SLC14A2: variants seen among roughly 807,000 people sequenced by gnomAD.
SLC14A2 encodes urea transporter 2.
Under a neutral mutation model 104.6 loss-of-function variants are expected in SLC14A2, and 91 were observed. The observed-to-expected ratio is 0.87, with a 90% CI of 0.73 to 1.04. The LOEUF (loss-of-function observed/expected upper bound fraction) is 1.04, where lower values mean the gene tolerates loss of function less well. Among genes scored for constraint, SLC14A2 ranks in the 50% least tolerant of loss-of-function variants. The pLI, the probability that SLC14A2 is intolerant of heterozygous loss-of-function variation, is 0.00. For missense variants in SLC14A2, 1,189 were observed against 1,156.0 expected, an observed-to-expected ratio of 1.03 and a Z score of -0.41; for synonymous variants, 476 against 466.4, an observed-to-expected ratio of 1.02 and a Z score of -0.27.
intron 1 of SLC14A2, among the ~76,000 whole-genome samples, chr18:45,392,726 T>C (rs1598749840): frequency 6.6e-6 from 1 of 152,342 alleles, no homozygotes; most frequent in East Asian, 1.9e-4. Context: ...AACTAGGAAG[T>C]TCAATCTTTA....
At chr18:45,219,868 G>A (rs1000450863) in intron 1 of SLC14A2, among the ~76,000 whole-genome samples, 3 of 152,172 alleles carry the variant, frequency 2.0e-5, no homozygotes, top group Admixed American at 6.5e-5. Context: ...GATAGAAAAA[G>A]ACTGCAGAGA....
At chr18:45,204,180 C>A in the SLC14A2 span, among the ~76,000 whole-genome samples, 1 of 152,138 alleles carries the variant, frequency 6.6e-6, no homozygotes, top group Non-Finnish European at 1.5e-5. Flanking sequence ...TAAGAGGAAT[C>A]CCCCAAGAGT....
chr18:45,506,439 C>T (rs917792260), intron 2 of SLC14A2, among the ~76,000 whole-genome samples: 1 of 152,180 alleles, frequency 6.6e-6, no homozygotes, highest in African/African-American at 2.4e-5. Flanking sequence ...AATAGTTCTA[C>T]ACAGAACCTT....
At chr18:45,195,647 C>T in the SLC14A2 span, among the ~76,000 whole-genome samples, 1 of 152,158 alleles carries the variant, frequency 6.6e-6, no homozygotes. Flanking sequence ...GCCTTGGCCT[C>T]CCATAGTGCT....
intron 1 of SLC14A2, among the ~76,000 whole-genome samples, chr18:45,324,067 G>A (rs1191593769): frequency 6.6e-6 from 1 of 152,096 alleles, no homozygotes; most frequent in African/African-American, 2.4e-5. Flanking sequence ...TGGCTTGTGG[G>A]GTATATGCCC....
chr18:45,234,255 G>A (rs2084203771), intron 1 of SLC14A2, among the ~76,000 whole-genome samples: 1 of 152,168 alleles, frequency 6.6e-6, no homozygotes, highest in Non-Finnish European at 1.5e-5. Flanking sequence ...TCTCCAAAGG[G>A]CTCATGTAGG....
At chr18:45,242,722 T>G (rs916457478) in intron 1 of SLC14A2, among the ~76,000 whole-genome samples, 7 of 152,252 alleles carry the variant, frequency 4.6e-5, no homozygotes, top group African/African-American at 1.7e-4. Flanking sequence ...TAGGGTCATA[T>G]CTCTATTAGC....
Position 45,668,020 on chromosome 18 carries a change from C to G in SLC14A2, c.1905C>G (p.Asp635Glu). 6.2e-7 allele frequency: 1 copy of G among 1,613,924 alleles called. No individual in the cohort carries two copies. The highest frequency in any genetic ancestry group is 2.2e-5 in the East Asian group (1 of 44,868). Residue 635 changes from aspartate to glutamate, a missense_variant and splice_region_variant, in exon 14 of 20, where the codon GAC becomes GAG. Transcript: ENST00000255226. ...STLTALILSQ[D>E]KSAIAAGFHG... ...TGACAGCCCTCATCCTGAGTCAGGA[C>G]AAGTAAGTCCCAGAGGCTCAGGGTC... is the stretch of plus-strand genomic sequence containing the variant.
At chr18:45,510,060 G>T (rs1408620388) in intron 2 of SLC14A2, among the ~76,000 whole-genome samples, 1 of 152,178 alleles carries the variant, frequency 6.6e-6, no homozygotes, top group Non-Finnish European at 1.5e-5. Flanking sequence ...GTCCTTCCAA[G>T]GTTCCAGGCT....
At chr18:45,390,077 G>A (rs1425947322) in intron 1 of SLC14A2, among the ~76,000 whole-genome samples, 5 of 152,188 alleles carry the variant, frequency 3.3e-5, no homozygotes, top group Admixed American at 3.3e-4. Context: ...AATTTGAGAG[G>A]CTGAAAAGGC....
chr18:45,652,470 C>T (rs1222265590), intron 10 of SLC14A2, among the ~76,000 whole-genome samples: 2 of 152,212 alleles, frequency 1.3e-5, no homozygotes, highest in African/African-American at 4.8e-5. Flanking sequence ...CAGAATGAAG[C>T]AAAGTAAGCA....
chr18:45,526,140 G>A (rs1301354666), intron 2 of SLC14A2, among the ~76,000 whole-genome samples: 1 of 152,218 alleles, frequency 6.6e-6, no homozygotes, highest in Non-Finnish European at 1.5e-5. Context: ...ATAAGTATCT[G>A]GGTTATGCAG....
the SLC14A2 span, among the ~76,000 whole-genome samples, chr18:45,170,316 AG>A: frequency 6.6e-6 from 1 of 152,152 alleles, no homozygotes; most frequent in South Asian, 2.1e-4. Flanking sequence ...GCAGAAGGGC[AG>A]GCAGAGGTTC....
intron 1 of SLC14A2, among the ~76,000 whole-genome samples, chr18:45,439,619 A>G (rs766219334): frequency 1.3e-5 from 2 of 152,228 alleles, no homozygotes; most frequent in Non-Finnish European, 2.9e-5. Context: ...TGAAATAATT[A>G]CATATAATTA....
At position 45,535,555 on chromosome 18, in the gene SLC14A2, A is replaced by G. The variant is rs72902338; in HGVS notation, c.-35+52233A>G. 7.6e-3 allele frequency among the ~76,000 whole-genome samples: 1,157 copies of G among 152,272 alleles called. 20 individuals are homozygous for G. Among genetic ancestry groups the G allele is most frequent in the Middle Eastern group, 0.014 (4 of 294 alleles). On this transcript the variant is annotated intron_variant, in intron 2 of 20. Transcript: ENST00000586448. ...AGGGAGGTTGAATAACTTGTCTAAG[A>G]TTGTGCAAAGAAGGAATAATGGGGC...
chr18:45,307,548 C>T (rs1180424243), intron 1 of SLC14A2, among the ~76,000 whole-genome samples: 2 of 152,058 alleles, frequency 1.3e-5, no homozygotes, highest in Non-Finnish European at 2.9e-5. Context: ...TATATCTCCT[C>T]CCAAAGGCTG....
chr18:45,643,357 C>T (rs2045563241), intron 9 of SLC14A2, among the ~76,000 whole-genome samples, 176 bp downstream of exon 9: 1 of 152,096 alleles, frequency 6.6e-6, no homozygotes, highest in African/African-American at 2.4e-5. Context: ...CAATTGCATA[C>T]ATGTACCTCT....
chr18:45,191,044 G>T, the SLC14A2 span, among the ~76,000 whole-genome samples: 3 of 152,102 alleles, frequency 2.0e-5, no homozygotes, highest in African/African-American at 7.2e-5. Flanking sequence ...GCTCAATGGG[G>T]AGACAGGAGG....
intron 2 of SLC14A2, among the ~76,000 whole-genome samples, chr18:45,601,610 C>A (rs1223019729): frequency 6.6e-6 from 1 of 152,228 alleles, no homozygotes; most frequent in Non-Finnish European, 1.5e-5. Flanking sequence ...TCTTTTCAGT[C>A]CAACTGGCTA....
Sources: gnomAD v4.1 joint callset for allele counts (sites outside exome capture counted in the v4.1 genomes callset) on GRCh38, gnomAD v4.1.1 for gene constraint, MANE v1.5 for transcripts, NCBI Gene and HGNC (gene_info 2026-07-23, HGNC 2026-07-21) for gene names.